The following PPHLN1 variants were observed in gnomAD, a reference collection of about 807,000 sequenced individuals.
PPHLN1 encodes periphilin 1.
Under a neutral mutation model 51.3 loss-of-function variants are expected in PPHLN1, and 29 were observed. That is an observed-to-expected ratio of 0.57 (90% CI 0.42 to 0.77). The LOEUF is 0.77. Among genes scored for constraint, PPHLN1 ranks in the 30% least tolerant of loss-of-function variants. PPHLN1 has a pLI of 0.00. For synonymous variants in PPHLN1, 147 were observed against 147.8 expected, an observed-to-expected ratio of 0.99 and a Z score of 0.04; for missense variants, 436 against 438.4, an observed-to-expected ratio of 0.99 and a Z score of 0.05.
At chr12:42,341,691 G>A (rs2071525027) in intron 2 of PPHLN1, among the ~76,000 whole-genome samples, 2 of 151,860 alleles carry the variant, frequency 1.3e-5, no homozygotes, top group African/African-American at 4.8e-5. Flanking sequence ...GGGCGATCTC[G>A]GCTCACTGCA....
intron 1 of PPHLN1, 129 bp from the exon 2 acceptor site, chr12:42,335,754 A>C (rs1592183017): frequency 7.8e-6 from 3 of 385,574 alleles, no homozygotes; most frequent in African/African-American, 4.4e-5. Flanking sequence ...TCTTTTGGTC[A>C]CTTTCATTTT....
intron 2 of PPHLN1, 106 bp downstream of exon 2, chr12:42,336,080 C>G (rs2070613378): frequency 7.7e-6 from 5 of 649,276 alleles, no homozygotes; most frequent in Middle Eastern, 5.4e-4. Context: ...CAGAAATTTA[C>G]CAGTGTAGTT....
intron 9 of PPHLN1, among the ~76,000 whole-genome samples, chr12:42,416,312 T>C (rs1273046680): frequency 6.6e-6 from 1 of 152,228 alleles, no homozygotes; most frequent in African/African-American, 2.4e-5. Context: ...TCTTGAATAA[T>C]GATCACAGAA....
intron 9 of PPHLN1, chr12:42,433,329 T>G: frequency 1.8e-6 from 1 of 569,602 alleles, no homozygotes; most frequent in Non-Finnish European, 3.3e-6. Flanking sequence ...TGGTTGCCAA[T>G]TATTTTCAAA....
intron 9 of PPHLN1, chr12:42,433,489 A>T (rs571973182): frequency 1.0e-3 from 241 of 233,836 alleles, no homozygotes; most frequent in African/African-American, 5.2e-3. Flanking sequence ...TGCCTGGCTA[A>T]TTTTTTCTAT....
chr12:42,391,876 A>G (rs1446083586), intron 7 of PPHLN1, among the ~76,000 whole-genome samples: 1 of 152,146 alleles, frequency 6.6e-6, no homozygotes, highest in Admixed American at 6.5e-5. Context: ...CAGTAGTTTG[A>G]TGAATTTAAC....
At chr12:42,424,892 CAA>C (rs1566005523) in intron 9 of PPHLN1, among the ~76,000 whole-genome samples, 2 of 151,610 alleles carry the variant, frequency 1.3e-5, no homozygotes, top group East Asian at 3.9e-4. Flanking sequence ...TTACAGAAAA[CAA>C]AAAGAAAAAA....
At chr12:42,408,433 C>G (rs1167358401) in intron 9 of PPHLN1, among the ~76,000 whole-genome samples, 2 of 151,508 alleles carry the variant, frequency 1.3e-5, no homozygotes, top group East Asian at 1.9e-4. Context: ...TACTTTTGCA[C>G]CAGCCCAGTA....
At chr12:42,375,192 T>G (rs1467275028) in intron 5 of PPHLN1, 118 bp downstream of exon 5, 2 of 822,354 alleles carry the variant, frequency 2.4e-6, no homozygotes, top group Non-Finnish European at 3.7e-6. Flanking sequence ...TTTTGAAAAA[T>G]TTCAAACTTA....
intron 2 of PPHLN1, among the ~76,000 whole-genome samples, chr12:42,345,900 C>T (rs1435704619): frequency 9.9e-5 from 15 of 151,148 alleles, no homozygotes; most frequent in Non-Finnish European, 2.1e-4. Context: ...TTTTTTCTTT[C>T]CATTTTTTAT....
chr12:42,377,564 A>G (rs568633260), intron 5 of PPHLN1, among the ~76,000 whole-genome samples: 5 of 152,190 alleles, frequency 3.3e-5, no homozygotes, highest in Non-Finnish European at 7.4e-5. Context: ...TCAGGCTCCC[A>G]AAGTGCTGGG....
rs143128020 is a variant in PPHLN1, at chr12:42,364,554, G to A, written c.299+9332G>A. On this transcript the variant is annotated intron_variant, in intron 4 of 9. Transcript: ENST00000358314. ...TGGGAGAATTGCTTGAGCCTGGGAG[G>A]TTGAGGCTGCAGTGAGCTGTGATCA... Among the ~76,000 whole-genome samples the A allele has an allele frequency of 2.9e-3, 438 of 152,206 alleles. 3 individuals carry two copies. Among genetic ancestry groups the A allele is most frequent in the Non-Finnish European group, 3.7e-3 (253 of 68,002 alleles).
chr12:42,446,406 G>C, downstream of PPHLN1: 2 of 1,425,070 alleles, frequency 1.4e-6, no homozygotes, highest in Admixed American at 4.9e-5. Context: ...GCGTCTAGCA[G>C]TGTGACTTTT....
intron 9 of PPHLN1, among the ~76,000 whole-genome samples, chr12:42,418,211 C>CTTTTTTTTTTTTTTTTT (rs60029170): frequency 1.0e-5 from 1 of 98,378 alleles, no homozygotes; most frequent in African/African-American, 4.2e-5. Flanking sequence ...TCCCGGCCCT[C>CTTTTTTTTTTTTTTTTT]TTTTTTTTTT....
intron 1 of PPHLN1, among the ~76,000 whole-genome samples, chr12:42,329,441 T>G (rs2137636816): frequency 6.6e-6 from 1 of 152,338 alleles, no homozygotes; most frequent in Non-Finnish European, 1.5e-5. Context: ...AACATTAGAA[T>G]ATTAATTCAC....
chr12:42,326,959 A>G (rs1056776070), intron 1 of PPHLN1, among the ~76,000 whole-genome samples: 1 of 152,220 alleles, frequency 6.6e-6, no homozygotes, highest in African/African-American at 2.4e-5. Flanking sequence ...GATGTCTTCT[A>G]TAGAGACGGA....
At chr12:42,394,309 A>G (rs1311601341) in intron 8 of PPHLN1, among the ~76,000 whole-genome samples, 1 of 152,154 alleles carries the variant, frequency 6.6e-6, no homozygotes, top group Non-Finnish European at 1.5e-5. Context: ...TGTGGTCACA[A>G]TTAAGCTTTT....
downstream of PPHLN1, chr12:42,446,117 G>GTTCGTCGGACGACACAGC (rs763278542): frequency 1.8e-5 from 28 of 1,559,858 alleles, no homozygotes; most frequent in African/African-American, 2.7e-5. Flanking sequence ...GAAGAAACGG[G>GTTCGTCGGACGACACAGC]TTCGTCGGAC....
intron 5 of PPHLN1, among the ~76,000 whole-genome samples, chr12:42,384,048 A>G (rs1219703134): frequency 2.0e-5 from 3 of 150,888 alleles, no homozygotes; most frequent in African/African-American, 7.3e-5. Context: ...TGTACCTCAC[A>G]TAAAAACAAA....
Sources: allele counts gnomAD v4.1 joint callset (sites outside exome capture counted in the v4.1 genomes callset), GRCh38; gene constraint gnomAD v4.1.1; transcripts MANE v1.5; gene names NCBI Gene and HGNC (gene_info 2026-07-23, HGNC 2026-07-21).